PARD3B: variants seen among roughly 807,000 people sequenced by gnomAD.
PARD3B encodes the protein partitioning defective 3 homolog B.
In PARD3B, 103 loss-of-function variants were observed where a neutral mutation model predicts 130.2. That is an observed-to-expected ratio of 0.79 (90% CI 0.67 to 0.93). The LOEUF (loss-of-function observed/expected upper bound fraction) is 0.93. PARD3B is among the 40% of genes least tolerant of loss of function. The pLI is 0.00. For missense variants in PARD3B, 1,609 were observed against 1,499.2 expected (o/e 1.07, Z -1.21); for synonymous variants, 583 against 553.2 (o/e 1.05, Z -0.76).
At chr2:204,881,436 G>A (rs961309907) in intron 2 of PARD3B, among the ~76,000 whole-genome samples, 6 of 151,518 alleles carry the variant, frequency 4.0e-5, no homozygotes, top group East Asian at 1.9e-4. Flanking sequence ...TGTTGACAAC[G>A]TAACATTTAA....
intron 15 of PARD3B, among the ~76,000 whole-genome samples, chr2:205,240,874 A>G (rs911578200): frequency 1.3e-5 from 2 of 152,206 alleles, no homozygotes; most frequent in African/African-American, 4.8e-5. Context: ...ACTTTAAGTG[A>G]TCACTATATT....
chr2:205,004,441 A>T (rs1204398408), intron 3 of PARD3B, among the ~76,000 whole-genome samples: 1 of 152,212 alleles, frequency 6.6e-6, no homozygotes, highest in East Asian at 1.9e-4. Flanking sequence ...TATCATTTCA[A>T]TTCAGGCCCT....
At chr2:204,680,393 A>G (rs1246053125) in intron 1 of PARD3B, among the ~76,000 whole-genome samples, 1 of 151,978 alleles carries the variant, frequency 6.6e-6, no homozygotes, top group Non-Finnish European at 1.5e-5. Flanking sequence ...TATCTGTAGG[A>G]TCTATAATGG....
chr2:204,681,347 T>A (rs1352969839), intron 1 of PARD3B, among the ~76,000 whole-genome samples: 1 of 152,164 alleles, frequency 6.6e-6, no homozygotes, highest in African/African-American at 2.4e-5. Context: ...TATAATTCTA[T>A]TGGACTTGCT....
chr2:204,770,473 T>A (rs2041317500), intron 2 of PARD3B, among the ~76,000 whole-genome samples: 1 of 151,422 alleles, frequency 6.6e-6, no homozygotes, highest in Non-Finnish European at 1.5e-5. Flanking sequence ...AAAAAATGTA[T>A]ATTCTGTTGA....
chr2:205,014,928 T>C (rs1314700010), intron 3 of PARD3B, among the ~76,000 whole-genome samples: 1 of 152,214 alleles, frequency 6.6e-6, no homozygotes, highest in Non-Finnish European at 1.5e-5. Context: ...AACTTCTCCA[T>C]GTCTCATGAA....
At position 205,460,721 on chromosome 2, in the gene PARD3B, A is replaced by G. The variant is rs527424868; in HGVS notation, c.3044+20049A>G. Among the ~76,000 whole-genome samples the G allele has an allele frequency of 3.3e-5, 5 of 152,290 alleles. No individual in the cohort carries two copies. Among genetic ancestry groups the G allele is most frequent in the African/African-American group, 9.6e-5 (4 of 41,568 alleles). ...TGATACCGTATCTCATAAAATTCAC[A>G]GAGGCCTGAATGAGTTAATGCATGG... On this transcript the variant is annotated intron_variant, in intron 20 of 22. Coordinates refer to ENST00000406610, the MANE Select transcript of PARD3B (RefSeq NM_001302769.2). The surrounding 1 kb of genome is among the most constrained non-coding windows in gnomAD (Gnocchi z 4.9).
At chr2:205,103,876 A>G in intron 4 of PARD3B, 1 of 294,956 alleles carries the variant, frequency 3.4e-6, no homozygotes, top group Non-Finnish European at 5.0e-6. Context: ...TTAAATAGGC[A>G]ATTTGAATCT....
chr2:204,973,597 T>C (rs1201724071), intron 3 of PARD3B, among the ~76,000 whole-genome samples: 1 of 152,086 alleles, frequency 6.6e-6, no homozygotes, highest in Non-Finnish European at 1.5e-5. Flanking sequence ...ATCCACTAAT[T>C]TAATTATTTA....
intron 22 of PARD3B, among the ~76,000 whole-genome samples, chr2:205,596,155 A>G (rs2054563073): frequency 6.6e-6 from 1 of 152,200 alleles, no homozygotes; most frequent in African/African-American, 2.4e-5. Flanking sequence ...TTGTAATTAC[A>G]TTAATAACCA....
At chr2:205,406,659 CTTTTTTTTTTTTTTTT>C (rs777517284) in intron 19 of PARD3B, among the ~76,000 whole-genome samples, 1 of 87,426 alleles carries the variant, frequency 1.1e-5, no homozygotes, top group Admixed American at 1.2e-4. Flanking sequence ...TCTTGTGTAT[CTTTTTTTTTTTTTTTT>C]TTTTTTTTTT....
At chr2:204,747,302 G>A (rs1031785369) in intron 2 of PARD3B, among the ~76,000 whole-genome samples, 3 of 151,888 alleles carry the variant, frequency 2.0e-5, no homozygotes, top group Non-Finnish European at 4.4e-5. Flanking sequence ...GTGTGGTAGA[G>A]CCAAATCATG....
intron 2 of PARD3B, among the ~76,000 whole-genome samples, chr2:204,818,977 G>A (rs1292939940): frequency 1.3e-5 from 2 of 152,100 alleles, no homozygotes; most frequent in Admixed American, 1.3e-4. Flanking sequence ...CAAGCATATG[G>A]GGAGACTAAG....
intron 21 of PARD3B, among the ~76,000 whole-genome samples, chr2:205,532,217 C>T (rs1485102038): frequency 3.3e-5 from 5 of 152,168 alleles, no homozygotes; most frequent in African/African-American, 4.8e-5. Flanking sequence ...CGTTAAAAAA[C>T]GAAGAGAAAT....
At chr2:205,264,758 T>C (rs987712869) in intron 16 of PARD3B, among the ~76,000 whole-genome samples, 7 of 151,292 alleles carry the variant, frequency 4.6e-5, no homozygotes, top group African/African-American at 9.7e-5. Flanking sequence ...AATGATGATA[T>C]GGTCTTCCTA....
intron 2 of PARD3B, among the ~76,000 whole-genome samples, chr2:204,940,505 T>C (rs1298700598): frequency 1.3e-5 from 2 of 151,888 alleles, no homozygotes; most frequent in Non-Finnish European, 2.9e-5. Flanking sequence ...GTTGTTTATC[T>C]AGAAGTTCTG....
intron 21 of PARD3B, among the ~76,000 whole-genome samples, chr2:205,548,640 A>G (rs546711338): frequency 6.6e-6 from 1 of 152,198 alleles, no homozygotes; most frequent in Non-Finnish European, 1.5e-5. Context: ...AAGTTATGGT[A>G]AGAATAATCT....
chr2:204,576,986 A>C (rs777005897), intron 1 of PARD3B, among the ~76,000 whole-genome samples: 10 of 152,104 alleles, frequency 6.6e-5, no homozygotes, highest in African/African-American at 2.4e-5. Flanking sequence ...TAATTCTACC[A>C]TGATAGTGTT....
intron 1 of PARD3B, among the ~76,000 whole-genome samples, chr2:204,562,959 C>G (rs557002633): frequency 1.1e-4 from 16 of 152,268 alleles, no homozygotes; most frequent in South Asian, 4.1e-4. Flanking sequence ...GTCCCTCACT[C>G]TATCGCTCTG....
Sources: gnomAD v4.1 joint callset for allele counts (sites outside exome capture counted in the v4.1 genomes callset) on GRCh38, gnomAD v4.1.1 for gene constraint, Gnocchi (gnomAD v3.1) non-coding constraint, MANE v1.5 for transcripts, NCBI Gene and HGNC (gene_info 2026-07-23, HGNC 2026-07-21) for gene names.